Variants in ADRA1A observed in about 807,000 individuals in gnomAD.
The protein encoded by ADRA1A is alpha-1A adrenergic receptor.
A neutral mutation model predicts 29.6 loss-of-function variants in ADRA1A; 31 were observed. The observed-to-expected ratio is 1.05, with a 90% CI of 0.79 to 1.41. ADRA1A has a LOEUF of 1.41. Among genes scored for constraint, ADRA1A ranks in the 40% most tolerant of loss-of-function variants. The pLI is 0.00. For synonymous variants in ADRA1A, 311 were observed against 254.3 expected (o/e 1.22, Z -2.12); for missense variants, 619 against 601.1 (o/e 1.03, Z -0.31).
At chr8:26,755,191 C>T (rs1206129207), downstream of ADRA1A, among the ~76,000 whole-genome samples, 2 of 143,308 alleles carry the variant, frequency 1.4e-5, no homozygotes, top group Non-Finnish European at 3.1e-5. Flanking sequence ...AGAAATAGAC[C>T]TCCTTTTTTT....
chr8:26,766,710 A>C (rs1805812035), downstream of ADRA1A, among the ~76,000 whole-genome samples: 1 of 152,152 alleles, frequency 6.6e-6, no homozygotes, highest in Non-Finnish European at 1.5e-5. Context: ...CCCAGGTTTA[A>C]ATCATGGTTC....
At chr8:26,779,471 C>A in intron 2 of ADRA1A, 1 of 687,518 alleles carries the variant, frequency 1.5e-6, no homozygotes, top group Admixed American at 2.1e-5. Flanking sequence ...GATGCTACCC[C>A]TTCCTATCTG....
chr8:26,756,858 C>G, intron 2 of ADRA1A: 1 of 1,560,514 alleles, frequency 6.4e-7, no homozygotes, highest in Non-Finnish European at 8.7e-7. Flanking sequence ...AATGTGATCA[C>G]AATTTTATCC....
intron 2 of ADRA1A, among the ~76,000 whole-genome samples, chr8:26,809,971 G>GTC (rs1471973143): frequency 6.6e-6 from 1 of 152,186 alleles, no homozygotes; most frequent in Non-Finnish European, 1.5e-5. Flanking sequence ...CCTGTTCTGT[G>GTC]TCTCAGTTTG....
rs1251739862 is a variant in ADRA1A at position 26,796,616 on chromosome 8, A to G, written c.884-25950T>C. Among the ~76,000 whole-genome samples, 1 of 152,140 alleles carries G rather than the reference A, an allele frequency of 6.6e-6. No individual in the cohort carries two copies. Among genetic ancestry groups the G allele is most frequent in the African/African-American group, 2.4e-5 (1 of 41,440 alleles). On this transcript the variant is annotated intron_variant, in intron 2 of 2. Coordinates refer to ENST00000380573, the MANE Select transcript of ADRA1A (RefSeq NM_000680.4). The surrounding 1 kb of genome is among the most constrained non-coding windows in gnomAD (Gnocchi z 5.0). Reference sequence around the variant, plus strand: ...ATGTATCCTACACGTGGCCGCAGAGAACAGACACCATGGGGACATATGAGA... The same window carrying G: ...ATGTATCCTACACGTGGCCGCAGAGGACAGACACCATGGGGACATATGAGA...
At chr8:26,852,648 A>T (rs191784857) in intron 2 of ADRA1A, among the ~76,000 whole-genome samples, 1 of 152,174 alleles carries the variant, frequency 6.6e-6, no homozygotes. Context: ...ACCACTATCC[A>T]TGGAAGAAAT....
At chr8:26,781,185 G>A (rs1172454286) in intron 2 of ADRA1A, among the ~76,000 whole-genome samples, 1 of 152,040 alleles carries the variant, frequency 6.6e-6, no homozygotes, top group East Asian at 1.9e-4. Flanking sequence ...TCTATTTTTG[G>A]TTGCTTTTCT....
At chr8:26,773,267 G>A (rs748392963) in intron 2 of ADRA1A, among the ~76,000 whole-genome samples, 4 of 152,214 alleles carry the variant, frequency 2.6e-5, no homozygotes, top group Non-Finnish European at 4.4e-5. Flanking sequence ...GAGTGATAAA[G>A]TGTGCAGCTG....
In ADRA1A at chr8:26,853,765, C is replaced by G. The variant is rs896215874; in HGVS notation, c.883+10322G>C. ...TCTAAAAGAATGAGGAGGAAACAGA[C>G]TTACATTGTGGAAGGTCTCTCTGAG... is the stretch of plus-strand genomic sequence containing the variant. On this transcript the variant is annotated intron_variant, in intron 2 of 2. Coordinates refer to ENST00000380573, the MANE Select transcript of ADRA1A (RefSeq NM_000680.4). 2.0e-5 allele frequency: 3 copies of G among 152,084 alleles called. No homozygotes were observed. In the East Asian group the frequency reaches 5.8e-4, roughly 29 times the overall value. The allele number at this position is 152,084 out of a possible 1,614,324, so 9.4% of individuals were successfully genotyped here.
At chr8:26,847,272 AAAAC>A (rs1329725525) in intron 2 of ADRA1A, among the ~76,000 whole-genome samples, 3 of 152,148 alleles carry the variant, frequency 2.0e-5, no homozygotes, top group African/African-American at 7.2e-5. Context: ...AACAAAAACA[AAAAC>A]AAACAAAAAG....
chr8:26,835,094 G>A lies in ADRA1A; in HGVS notation c.883+28993C>T, dbSNP rs113525463. 7.0e-3 allele frequency among the ~76,000 whole-genome samples: 1,063 copies of A among 152,150 alleles called. 11 individuals are homozygous for A. The highest frequency in any genetic ancestry group is 0.024 in the African/African-American group (1,009 of 41,500). On this transcript the variant is annotated intron_variant, in intron 2 of 2. Coordinates refer to ENST00000380573, the MANE Select transcript of ADRA1A (RefSeq NM_000680.4). Reference sequence around the variant, plus strand: ...AATCAAGTTACTCTGTCATGTTGCCGTATATGTCCTTAAACACTTATTTTC... The same window carrying A: ...AATCAAGTTACTCTGTCATGTTGCCATATATGTCCTTAAACACTTATTTTC...
rs554154178 is a variant in ADRA1A at position 26,845,853 on chromosome 8, C to T, written c.883+18234G>A. ...TACACAAAAGGTCACATATATGATC[C>T]CATTCATATGCAGTATCAGGAATCA... On this transcript the variant is annotated intron_variant, in intron 2 of 2. Transcript: ENST00000380573. Among the ~76,000 whole-genome samples the T allele has an allele frequency of 3.3e-5, 5 of 152,190 alleles. No individual in the cohort carries two copies. In the South Asian group the frequency reaches 6.2e-4, roughly 19 times the overall value.
chr8:26,790,010 G>A (rs946143745), intron 2 of ADRA1A, among the ~76,000 whole-genome samples: 5 of 152,160 alleles, frequency 3.3e-5, no homozygotes, highest in African/African-American at 1.2e-4. Flanking sequence ...TGGTGGGAAT[G>A]TAAACTAGTA....
At chr8:26,813,964 A>T (rs1377769077) in intron 2 of ADRA1A, among the ~76,000 whole-genome samples, 1 of 152,146 alleles carries the variant, frequency 6.6e-6, no homozygotes, top group East Asian at 1.9e-4. Context: ...CAAACCAGTG[A>T]TCCTCAGGTC....
chr8:26,817,637 G>T (rs1386123814), intron 2 of ADRA1A, among the ~76,000 whole-genome samples: 1 of 152,136 alleles, frequency 6.6e-6, no homozygotes, highest in African/African-American at 2.4e-5. Context: ...AATTAGCTGG[G>T]CATGGTGGCA....
At position 26,831,092 on chromosome 8, in the gene ADRA1A, C is replaced by T. The variant is rs1253815755; in HGVS notation, c.883+32995G>A. On this transcript the variant is annotated intron_variant, in intron 2 of 2. Coordinates refer to ENST00000380573, the MANE Select transcript of ADRA1A (RefSeq NM_000680.4). This position sits in a 1 kb window ranked among gnomAD's most constrained non-coding sequence, Gnocchi z 5.2. ...GGAGATTGGCCTGGTTGGGGCTCTGCCATCACAGTCTCTGGAGCTGTAACC... is the reference window on the plus strand; with the variant it reads ...GGAGATTGGCCTGGTTGGGGCTCTGTCATCACAGTCTCTGGAGCTGTAACC... Among the ~76,000 whole-genome samples, 1 of 152,088 alleles carries T rather than the reference C, an allele frequency of 6.6e-6. No homozygotes were observed. Among genetic ancestry groups the T allele is most frequent in the Non-Finnish European group, 1.5e-5 (1 of 68,020 alleles).
At chr8:26,809,288 A>G (rs771196278) in intron 2 of ADRA1A, among the ~76,000 whole-genome samples, 2 of 152,070 alleles carry the variant, frequency 1.3e-5, no homozygotes, top group Non-Finnish European at 2.9e-5. Flanking sequence ...CTCTGTCTCT[A>G]TGTGTTACTC....
intron 2 of ADRA1A, among the ~76,000 whole-genome samples, chr8:26,847,750 C>T (rs1812319724): frequency 6.6e-6 from 1 of 152,156 alleles, no homozygotes; most frequent in Non-Finnish European, 1.5e-5. Flanking sequence ...AAATACAAAC[C>T]ACACTTCTTC....
At chr8:26,845,990 A>T (rs1812168416) in intron 2 of ADRA1A, among the ~76,000 whole-genome samples, 1 of 152,196 alleles carries the variant, frequency 6.6e-6, no homozygotes, top group African/African-American at 2.4e-5. Flanking sequence ...TTGGAACTAG[A>T]TAGTGGTGAT....
Sources: allele counts gnomAD v4.1 joint callset (sites outside exome capture counted in the v4.1 genomes callset), GRCh38; gene constraint gnomAD v4.1.1; non-coding constraint Gnocchi (gnomAD v3.1); transcripts MANE v1.5; gene names NCBI Gene and HGNC (gene_info 2026-07-23, HGNC 2026-07-21).